KCTD8: variants seen among roughly 807,000 people sequenced by gnomAD.
KCTD8 encodes BTB/POZ domain-containing protein KCTD8.
Under a neutral mutation model 31.5 loss-of-function variants are expected in KCTD8, and 27 were observed. That is an observed-to-expected ratio of 0.86 (90% confidence interval 0.63 to 1.18). The LOEUF (loss-of-function observed/expected upper bound fraction) is 1.18. Ranked by LOEUF, KCTD8 falls within the 50% of genes most tolerant of loss-of-function variation. The pLI is 0.00. For synonymous variants in KCTD8, 290 were observed against 280.0 expected, an observed-to-expected ratio of 1.04 and a Z score of -0.36; for missense variants, 658 against 647.7, an observed-to-expected ratio of 1.02 and a Z score of -0.17.
At chr4:44,199,836 G>A (rs1453506194) in intron 1 of KCTD8, among the ~76,000 whole-genome samples, 1 of 151,606 alleles carries the variant, frequency 6.6e-6, no homozygotes, top group Non-Finnish European at 1.5e-5. Flanking sequence ...AGATGCAAAA[G>A]ACCATACAAA....
chr4:44,313,755 C>T (rs746842320), intron 1 of KCTD8, among the ~76,000 whole-genome samples: 1 of 152,090 alleles, frequency 6.6e-6, no homozygotes, highest in Non-Finnish European at 1.5e-5. Flanking sequence ...TAAATAAATG[C>T]TTATAAGACA....
chr4:44,421,860 C>T (rs1281761530), intron 1 of KCTD8, among the ~76,000 whole-genome samples: 1 of 152,078 alleles, frequency 6.6e-6, no homozygotes, highest in Non-Finnish European at 1.5e-5. Flanking sequence ...AAAAAAATCA[C>T]AATGGCCTAT....
intron 1 of KCTD8, among the ~76,000 whole-genome samples, chr4:44,430,913 T>C: frequency 6.6e-6 from 1 of 151,438 alleles, no homozygotes; most frequent in Non-Finnish European, 1.5e-5. Flanking sequence ...GTTATTTCTC[T>C]TTCTTTTTTT....
intron 1 of KCTD8, among the ~76,000 whole-genome samples, chr4:44,234,240 T>G (rs1045744055): frequency 6.6e-5 from 10 of 152,178 alleles, no homozygotes; most frequent in Non-Finnish European, 1.3e-4. Context: ...AGAGCTTATA[T>G]AGACTATAGA....
intron 1 of KCTD8, among the ~76,000 whole-genome samples, chr4:44,218,083 G>T (rs1162677388): frequency 6.7e-6 from 1 of 150,136 alleles, no homozygotes; most frequent in East Asian, 1.9e-4. Context: ...GCACAACAGG[G>T]TGACTATAGT....
intron 1 of KCTD8, among the ~76,000 whole-genome samples, chr4:44,264,102 GATTA>G (rs1246965047): frequency 6.6e-6 from 1 of 152,080 alleles, no homozygotes; most frequent in African/African-American, 2.4e-5. Flanking sequence ...ACAGAGATTA[GATTA>G]ATTAGCAATG....
chr4:44,186,681 C>G (rs1280269361), intron 1 of KCTD8, among the ~76,000 whole-genome samples: 4 of 152,170 alleles, frequency 2.6e-5, no homozygotes, highest in Non-Finnish European at 4.4e-5. Flanking sequence ...AGTGGGGCAC[C>G]GAAGAAGTGA....
intron 1 of KCTD8, among the ~76,000 whole-genome samples, chr4:44,346,098 A>G (rs1440358585): frequency 6.6e-6 from 1 of 152,198 alleles, no homozygotes; most frequent in Non-Finnish European, 1.5e-5. Flanking sequence ...TTAGATCTGC[A>G]TTTGAATAGC....
At chr4:44,178,475 G>GT (rs1007340802) in intron 1 of KCTD8, among the ~76,000 whole-genome samples, 24 of 151,792 alleles carry the variant, frequency 1.6e-4, no homozygotes, top group African/African-American at 2.7e-4. Context: ...AATAAATGTT[G>GT]TTTTTTTTAC....
chr4:44,187,906 G>A (rs1713635665), intron 1 of KCTD8, among the ~76,000 whole-genome samples: 1 of 151,600 alleles, frequency 6.6e-6, no homozygotes, highest in South Asian at 2.1e-4. Flanking sequence ...CCTTAGACCT[G>A]AGGAAAAATC....
intron 1 of KCTD8, among the ~76,000 whole-genome samples, chr4:44,178,943 C>T (rs530361227): frequency 2.0e-4 from 31 of 152,148 alleles, no homozygotes; most frequent in South Asian, 4.1e-4. Context: ...AGACATAGTG[C>T]TAGGTTCTGG....
intron 1 of KCTD8, among the ~76,000 whole-genome samples, chr4:44,408,434 C>A (rs2109461850): frequency 6.6e-6 from 1 of 152,240 alleles, no homozygotes; most frequent in East Asian, 1.9e-4. Context: ...CCTGAGATAT[C>A]TGCTACATTT....
chr4:44,247,441 T>C (rs1046781293), intron 1 of KCTD8, among the ~76,000 whole-genome samples: 1 of 151,894 alleles, frequency 6.6e-6, no homozygotes, highest in African/African-American at 2.4e-5. Context: ...TTACAATTAG[T>C]GTGTGTATGT....
intron 1 of KCTD8, among the ~76,000 whole-genome samples, chr4:44,436,078 C>G (rs1439988505): frequency 6.6e-6 from 1 of 152,016 alleles, no homozygotes; most frequent in African/African-American, 2.4e-5. Flanking sequence ...ATGTTTGATG[C>G]GAAGTTACAA....
Position 44,398,276 on chromosome 4 carries a change from T to C in KCTD8, c.961+49287A>G, listed in dbSNP as rs184753132. Among the ~76,000 whole-genome samples, 71 of 152,336 alleles carry C rather than the reference T, an allele frequency of 4.7e-4. No individual in the cohort carries two copies. The East Asian group carries it at 0.012, about 25-fold the overall frequency. ...CTGCTGCAGTCCACTAAATCAGGGA[T>C]GCAAGGAATGATGCCCAGTCATCTG... On this transcript the variant is annotated intron_variant, in intron 1 of 1. Transcript: ENST00000360029.
At chr4:44,416,764 C>G (rs776916720) in intron 1 of KCTD8, among the ~76,000 whole-genome samples, 1 of 152,116 alleles carries the variant, frequency 6.6e-6, no homozygotes, top group African/African-American at 2.4e-5. Flanking sequence ...CCTGTATAGC[C>G]TGCAGAACCA....
chr4:44,204,291 A>G (rs1560393962), intron 1 of KCTD8, among the ~76,000 whole-genome samples: 1 of 152,146 alleles, frequency 6.6e-6, no homozygotes, highest in Non-Finnish European at 1.5e-5. Flanking sequence ...CTGCCTCTAA[A>G]GAAAGAAGAA....
chr4:44,332,586 A>T (rs779272931), intron 1 of KCTD8, among the ~76,000 whole-genome samples: 13 of 151,968 alleles, frequency 8.6e-5, no homozygotes, highest in African/African-American at 2.2e-4. Flanking sequence ...TTTACTTCTT[A>T]CAAAGCATTT....
At chr4:44,437,092 A>G (rs1165667959) in intron 1 of KCTD8, among the ~76,000 whole-genome samples, 2 of 150,826 alleles carry the variant, frequency 1.3e-5, no homozygotes, top group Non-Finnish European at 2.9e-5. Context: ...AAACTTCAAG[A>G]TTGGCCATAA....
Sources: allele counts gnomAD v4.1 joint callset (sites outside exome capture counted in the v4.1 genomes callset), GRCh38; gene constraint gnomAD v4.1.1; transcripts MANE v1.5; gene names NCBI Gene and HGNC (gene_info 2026-07-23, HGNC 2026-07-21).